Variants in CEP128 observed in about 807,000 individuals in gnomAD.
The protein encoded by CEP128 is centrosomal protein 128kDa.
Under a neutral mutation model 156.7 loss-of-function variants are expected in CEP128, and 132 were observed. The observed-to-expected ratio is 0.84, with a 90% CI of 0.73 to 0.97. The LOEUF is 0.97. CEP128 is among the 50% of genes least tolerant of loss of function. The probability of loss-of-function intolerance (pLI) is 0.00; values close to 1 mark genes in which losing one functional copy is unlikely to be tolerated. For synonymous variants in CEP128, 469 were observed against 448.9 expected, an observed-to-expected ratio of 1.04 and a Z score of -0.57; for missense variants, 1,252 against 1,281.9, an observed-to-expected ratio of 0.98 and a Z score of 0.36.
intron 4 of CEP128, among the ~76,000 whole-genome samples, chr14:80,913,317 G>A (rs1224121118): frequency 6.6e-6 from 1 of 152,098 alleles, no homozygotes; most frequent in Non-Finnish European, 1.5e-5. Flanking sequence ...ATGGAATACG[G>A]TATAACTGTT....
chr14:80,599,665 G>GA (rs202000914), intron 19 of CEP128, among the ~76,000 whole-genome samples: 125 of 150,098 alleles, frequency 8.3e-4, no homozygotes, highest in Middle Eastern at 3.4e-3. Flanking sequence ...AAAAAAGAAA[G>GA]AAAAAAAAAC....
chr14:80,520,087 T>A (rs1051461905), intron 23 of CEP128, among the ~76,000 whole-genome samples: 6 of 152,094 alleles, frequency 3.9e-5, no homozygotes, highest in African/African-American at 1.4e-4. Context: ...ACTATGCAAA[T>A]TTACCATTGG....
At chr14:80,492,503 A>G (rs1421669400), downstream of CEP128, among the ~76,000 whole-genome samples, 2 of 152,220 alleles carry the variant, frequency 1.3e-5, no homozygotes, top group Non-Finnish European at 2.9e-5. Flanking sequence ...TCTAAAGATC[A>G]CTGAGGAGAG....
At chr14:80,719,604 A>T (rs1359953787) in intron 19 of CEP128, among the ~76,000 whole-genome samples, 1 of 152,252 alleles carries the variant, frequency 6.6e-6, no homozygotes, top group Non-Finnish European at 1.5e-5. Context: ...GTACTGGGCC[A>T]GATGAAGCCT....
intron 8 of CEP128, among the ~76,000 whole-genome samples, chr14:80,878,084 C>G (rs1002486360): frequency 6.6e-6 from 1 of 152,144 alleles, no homozygotes; most frequent in Non-Finnish European, 1.5e-5. Context: ...AACACCATGC[C>G]ATTGGTGAGG....
intron 16 of CEP128, among the ~76,000 whole-genome samples, chr14:80,763,840 T>C (rs1468899581): frequency 6.6e-6 from 1 of 152,186 alleles, no homozygotes; most frequent in African/African-American, 2.4e-5. Context: ...GCTTATAACC[T>C]TGGAGGCTAC....
At chr14:80,529,664 T>A (rs113188101) in intron 22 of CEP128, among the ~76,000 whole-genome samples, 3 of 152,220 alleles carry the variant, frequency 2.0e-5, no homozygotes, top group Non-Finnish European at 4.4e-5. Flanking sequence ...GAAAATAATA[T>A]GGGCATAACA....
rs1884134258 is a variant in CEP128 at position 80,805,669 on chromosome 14, T to TTA, written c.1210-12560_1210-12559insTA. 1.1e-4 allele frequency among the ~76,000 whole-genome samples: 17 copies of TTA among 152,344 alleles called. No homozygotes were observed. In the South Asian group the frequency reaches 3.5e-3, roughly 32 times the overall value. ...ATATGCTTGCATGTCTTGATGAACT[T>TTA]AATTTATTCATTTCAGTATAATTTG... On this transcript the variant is annotated intron_variant, in intron 13 of 24. Transcript: ENST00000555265.
chr14:80,577,447 T>G (rs143247660), intron 20 of CEP128, among the ~76,000 whole-genome samples: 1 of 152,196 alleles, frequency 6.6e-6, no homozygotes, highest in Non-Finnish European at 1.5e-5. Flanking sequence ...ATCTGTGAAG[T>G]TGCCGAATCG....
intron 22 of CEP128, 59 bp downstream of exon 22, chr14:80,530,750 G>T: frequency 1.6e-6 from 2 of 1,214,316 alleles, no homozygotes; most frequent in Non-Finnish European, 2.3e-6. Context: ...ACATCAGGAA[G>T]ATGTCAAGTG....
chr14:80,493,291 C>T (rs1437931231), downstream of CEP128, among the ~76,000 whole-genome samples: 2 of 152,116 alleles, frequency 1.3e-5, no homozygotes, highest in African/African-American at 4.8e-5. Flanking sequence ...CTTGTAAGTA[C>T]AGGTAATAAA....
chr14:80,815,113 T>C (rs1884775562), intron 13 of CEP128, among the ~76,000 whole-genome samples: 1 of 151,790 alleles, frequency 6.6e-6, no homozygotes, highest in South Asian at 2.1e-4. Flanking sequence ...AAGAAAAAAA[T>C]CAACAGAGTG....
chr14:80,488,907 T>C (rs1887233386), downstream of CEP128, among the ~76,000 whole-genome samples: 1 of 146,694 alleles, frequency 6.8e-6, no homozygotes, highest in Non-Finnish European at 1.5e-5. Context: ...CACCACATGT[T>C]CTCACTCATA....
At chr14:80,614,054 T>C (rs8016841) in intron 19 of CEP128, among the ~76,000 whole-genome samples, 20,583 of 152,078 alleles carry the variant, frequency 0.14, 2,405 homozygotes, top group African/African-American at 0.32. Flanking sequence ...AAGACTAGAT[T>C]TTTAAATAAC....
Position 80,595,150 on chromosome 14 carries a change from G to A in CEP128, c.2807-14727C>T, listed in dbSNP as rs534212979. 2.0e-4 allele frequency among the ~76,000 whole-genome samples: 30 copies of A among 152,214 alleles called. No homozygotes were observed. The South Asian group carries it at 2.1e-3, about 11-fold the overall frequency. On this transcript the variant is annotated intron_variant, in intron 19 of 24. Coordinates refer to ENST00000555265, the MANE Select transcript of CEP128 (RefSeq NM_152446.5). Reference sequence around the variant, plus strand: ...ATGGAATACTATGCAGCCATAAAAAGGATGAGTTCATGTCTTTGCAGGGAC... The same window carrying A: ...ATGGAATACTATGCAGCCATAAAAAAGATGAGTTCATGTCTTTGCAGGGAC...
At chr14:80,793,204 G>T in intron 13 of CEP128, 94 bp from the exon 14 acceptor site, 1 of 906,800 alleles carries the variant, frequency 1.1e-6, no homozygotes. Context: ...TGTCACTGAA[G>T]TGGAAATCAT....
At chr14:80,814,555 C>A (rs1308050469) in intron 13 of CEP128, among the ~76,000 whole-genome samples, 1 of 151,862 alleles carries the variant, frequency 6.6e-6, no homozygotes, top group Non-Finnish European at 1.5e-5. Flanking sequence ...AGGGCCAGGG[C>A]AAACAAAAAT....
At chr14:80,887,034 G>A (rs1403179937) in intron 8 of CEP128, among the ~76,000 whole-genome samples, 1 of 151,200 alleles carries the variant, frequency 6.6e-6, no homozygotes, top group Non-Finnish European at 1.5e-5. Flanking sequence ...AAGACAAAGG[G>A]CATTACATAA....
intron 19 of CEP128, among the ~76,000 whole-genome samples, chr14:80,647,831 C>A (rs529780620): frequency 6.6e-6 from 1 of 152,034 alleles, no homozygotes; most frequent in Non-Finnish European, 1.5e-5. Context: ...TGCTTCACAG[C>A]GAATTCACAA....
Sources: gnomAD v4.1 joint callset for allele counts (sites outside exome capture counted in the v4.1 genomes callset) on GRCh38, gnomAD v4.1.1 for gene constraint, MANE v1.5 for transcripts, NCBI Gene and HGNC (gene_info 2026-07-23, HGNC 2026-07-21) for gene names.